The following ATP9A variants were observed in gnomAD, a reference collection of about 807,000 sequenced individuals.
ATP9A encodes probable phospholipid-transporting ATPase IIA.
ATP9A carries 52 observed loss-of-function variants against 144.1 expected under a neutral mutation model. The ratio of observed to expected loss-of-function variants is 0.36; its 90% confidence interval spans 0.29 to 0.45. The LOEUF is 0.45. Ranked by LOEUF, ATP9A falls within the 20% of genes least tolerant of loss-of-function variation. ATP9A has a pLI of 1.00. For missense variants in ATP9A, 947 were observed against 1,392.7 expected (o/e 0.68, Z 5.09); for synonymous variants, 582 against 557.4 (o/e 1.04, Z -0.62).
chr20:51,678,415 G>A (rs576234290), intron 9 of ATP9A, among the ~76,000 whole-genome samples: 15 of 152,296 alleles, frequency 9.8e-5, no homozygotes, highest in African/African-American at 3.4e-4. Context: ...AAGGGACCAC[G>A]TCCTGGACAA....
intron 9 of ATP9A, among the ~76,000 whole-genome samples, chr20:51,677,388 G>A (rs913068289): frequency 2.0e-5 from 3 of 152,248 alleles, no homozygotes; most frequent in Admixed American, 6.5e-5. Flanking sequence ...CCCTAGCCCT[G>A]TTTCATGGCC....
chr20:51,647,048 G>C (rs1000398910), intron 14 of ATP9A, among the ~76,000 whole-genome samples: 1 of 152,086 alleles, frequency 6.6e-6, no homozygotes, highest in African/African-American at 2.4e-5. Flanking sequence ...GAACCCAGGA[G>C]GAGGAAGTTG....
In ATP9A at chr20:51,684,973, T is replaced by C. The variant is rs376163789; in HGVS notation, c.799+4091A>G. 1.5e-4 allele frequency among the ~76,000 whole-genome samples: 23 copies of C among 148,950 alleles called. 1 individual carries two copies. The East Asian group carries it at 1.8e-3, about 12-fold the overall frequency. ...TTGCAGTGAGCCAAGATTGTGCCAC[T>C]GACCTCTAGCCCGGACCACTGAGCG... On this transcript the variant is annotated intron_variant, in intron 9 of 27. Coordinates refer to ENST00000338821, the MANE Select transcript of ATP9A (RefSeq NM_006045.3).
chr20:51,649,793 A>C (rs756813376), intron 14 of ATP9A, among the ~76,000 whole-genome samples: 2 of 151,914 alleles, frequency 1.3e-5, no homozygotes, highest in Non-Finnish European at 2.9e-5. Flanking sequence ...AGATGCCTGT[A>C]GTCCCAGCTA....
In ATP9A at chr20:51,712,982, G is replaced by A; in HGVS notation, c.420C>T (p.Ser140=). The A allele has an allele frequency of 6.2e-7, 1 of 1,611,364 alleles. No individual in the cohort carries two copies. The highest frequency in any genetic ancestry group is 1.7e-5 in the Admixed American group (1 of 59,670). The change falls in exon 4 of 28, where the codon AGC becomes AGT. Residue 140 remains serine, a synonymous_variant. Coordinates refer to ENST00000338821, the MANE Select transcript of ATP9A (RefSeq NM_006045.3). ...RDKEVNSQVY[S]RLTARGTVKV... is the part of the protein sequence containing the mutation. ...AAGGCTGACCTCGTGCTGTGAGCCG[G>A]CTGTAGACCTGGGAGTTGACTTCCT...
intron 13 of ATP9A, among the ~76,000 whole-genome samples, chr20:51,664,637 A>G (rs2077424966): frequency 6.6e-6 from 1 of 152,124 alleles, no homozygotes; most frequent in Non-Finnish European, 1.5e-5. Context: ...GAAAAATAGC[A>G]TTTCTCACAC....
At position 51,671,231 on chromosome 20, in the gene ATP9A, T is replaced by G; in HGVS notation, c.1064A>C (p.Lys355Thr). The G allele has an allele frequency of 6.2e-7, 1 of 1,613,968 alleles. No homozygotes were observed. Residue 355 changes from lysine to threonine, a missense_variant, in exon 12 of 28, where the codon AAG becomes ACG. Lys to Thr is a moderately conservative substitution (Grantham distance 78, BLOSUM62 -1). Transcript: ENST00000338821. ...ISLRVNLDMG[K>T]IVYSWVIRRD... The stretch of plus-strand genomic sequence containing the variant: ...TCGAATCACCCAGCTGTACACGATC[T>G]TGCCCATGTCCAGGTTCACACGCAA...
chr20:51,760,814 A>G (rs894468345), intron 1 of ATP9A, among the ~76,000 whole-genome samples: 8 of 152,088 alleles, frequency 5.3e-5, no homozygotes, highest in African/African-American at 1.9e-4. Flanking sequence ...CACAAAGTCA[A>G]GAGATCAAGA....
intron 25 of ATP9A, 66 bp downstream of exon 25, chr20:51,608,452 A>C: frequency 9.9e-7 from 1 of 1,005,476 alleles, no homozygotes; most frequent in Non-Finnish European, 1.6e-6. Flanking sequence ...AAAAGCAGGG[A>C]GGGAGGGAAG....
At chr20:51,656,073 T>C (rs189892424) in intron 14 of ATP9A, among the ~76,000 whole-genome samples, 76 of 152,210 alleles carry the variant, frequency 5.0e-4, no homozygotes, top group African/African-American at 1.7e-3. Flanking sequence ...GTGTCTGTCA[T>C]AGGCAAATCT....
chr20:51,703,827 A>AT (rs1439976019), intron 4 of ATP9A, among the ~76,000 whole-genome samples: 3 of 152,050 alleles, frequency 2.0e-5, no homozygotes. Context: ...CTATACTTGT[A>AT]TTTTTCATTG....
intron 15 of ATP9A, among the ~76,000 whole-genome samples, chr20:51,637,105 T>C (rs1302321563): frequency 1.3e-5 from 2 of 151,918 alleles, no homozygotes; most frequent in East Asian, 3.9e-4. Flanking sequence ...AATAAATAAA[T>C]GTTACTTGTC....
At chr20:51,675,647 AGGAG>A (rs1191882977) in intron 10 of ATP9A, among the ~76,000 whole-genome samples, 3 of 152,220 alleles carry the variant, frequency 2.0e-5, no homozygotes, top group Non-Finnish European at 4.4e-5. Context: ...TGGGAGGCCG[AGGAG>A]GGAGGATCAC....
At chr20:51,653,265 A>G (rs2077374615) in intron 14 of ATP9A, among the ~76,000 whole-genome samples, 1 of 152,086 alleles carries the variant, frequency 6.6e-6, no homozygotes, top group Non-Finnish European at 1.5e-5. Flanking sequence ...CACAGAAGAG[A>G]TAAAGTACCA....
At chr20:51,625,484 G>T in intron 17 of ATP9A, 122 bp from the exon 18 acceptor site, 1 of 1,165,154 alleles carries the variant, frequency 8.6e-7, no homozygotes, top group Non-Finnish European at 1.2e-6. Flanking sequence ...GACCCCAGCA[G>T]GTGAGCTGGA....
At chr20:51,652,119 T>C (rs749868069) in intron 14 of ATP9A, among the ~76,000 whole-genome samples, 2 of 152,104 alleles carry the variant, frequency 1.3e-5, no homozygotes, top group Non-Finnish European at 2.9e-5. Context: ...CTCTCGACAC[T>C]GTGGAACATC....
At chr20:51,644,003 C>T (rs578186809) in intron 14 of ATP9A, among the ~76,000 whole-genome samples, 12 of 152,082 alleles carry the variant, frequency 7.9e-5, no homozygotes, top group African/African-American at 1.2e-4. Context: ...GGCATGATGG[C>T]GGGTGCCTGT....
chr20:51,659,877 C>A (rs755660860), intron 13 of ATP9A, among the ~76,000 whole-genome samples: 18 of 152,208 alleles, frequency 1.2e-4, no homozygotes, highest in East Asian at 1.9e-4. Flanking sequence ...CTCTGTTAAC[C>A]TCTGGTGTCA....
rs1041305080 is a variant in ATP9A, at chr20:51,600,562, ACTCT to A, written c.*645_*648del. 2 of 151,556 alleles carry A rather than the reference ACTCT, an allele frequency of 1.3e-5. No individual in the cohort carries two copies. Among genetic ancestry groups the A allele is most frequent in the African/African-American group, 4.9e-5 (2 of 41,180 alleles). 9.4% of individuals were successfully genotyped at this position (151,556 alleles called of 1,614,324 possible). A position where few individuals can be genotyped will look rare whatever the true frequency, so the allele number is the denominator to read the frequency against. ...AAGGATAACAGATTGGACTTAGGAC[ACTCT>A]CTCTCCCTCTCCTCTCATTTACTGG... is the stretch of plus-strand genomic sequence containing the variant. On this transcript the variant is annotated 3_prime_UTR_variant, in exon 28 of 28. Transcript: ENST00000338821.
Sources: gnomAD v4.1 joint callset for allele counts (sites outside exome capture counted in the v4.1 genomes callset) on GRCh38, gnomAD v4.1.1 for gene constraint, MANE v1.5 for transcripts, NCBI Gene and HGNC (gene_info 2026-07-23, HGNC 2026-07-21) for gene names.